The following RFX4 variants were observed in gnomAD, a reference collection of about 807,000 sequenced individuals.
RFX4 encodes transcription factor RFX4.
A neutral mutation model predicts 95.0 loss-of-function variants in RFX4; 10 were observed. The ratio of observed to expected loss-of-function variants is 0.11; its 90% CI spans 0.06 to 0.18. RFX4 has a LOEUF of 0.18. Ranked by LOEUF, RFX4 falls within the 10% of genes least tolerant of loss-of-function variation. The pLI, the probability that RFX4 is intolerant of heterozygous loss-of-function variation, is 1.00. For synonymous variants in RFX4, 321 were observed against 340.7 expected (o/e 0.94, Z 0.64); for missense variants, 640 against 922.0 (o/e 0.69, Z 3.96).
rs983058005 is a variant in RFX4 at position 106,586,342 on chromosome 12, C to A, written c.43+2979C>A. Among the ~76,000 whole-genome samples the A allele has an allele frequency of 6.6e-6, 1 of 152,102 alleles. No individual in the cohort carries two copies. Among genetic ancestry groups the A allele is most frequent in the African/African-American group, 2.4e-5 (1 of 41,460 alleles). ...TCCCCACGCGGGCCACCGGCAGCTA[C>A]GTGTTTGTGGCCGCCGGGTCCAATC... On this transcript the variant is annotated intron_variant, in intron 1 of 17. Transcript: ENST00000392842. The surrounding 1 kb of genome is among the most constrained non-coding windows in gnomAD (Gnocchi z 5.6).
intron 3 of RFX4, among the ~76,000 whole-genome samples, chr12:106,651,446 G>T (rs1249285236): frequency 6.6e-6 from 1 of 152,092 alleles, no homozygotes; most frequent in Non-Finnish European, 1.5e-5. Context: ...CTCAACAGAT[G>T]CTAACTGTTG....
chr12:106,752,852 C>T (rs2043035608), intron 17 of RFX4, among the ~76,000 whole-genome samples: 1 of 152,124 alleles, frequency 6.6e-6, no homozygotes, highest in African/African-American at 2.4e-5. Flanking sequence ...CCGCTGGACA[C>T]TCTACCTGTC....
At chr12:106,635,593 G>A (rs1042063621) in intron 2 of RFX4, among the ~76,000 whole-genome samples, 2 of 152,174 alleles carry the variant, frequency 1.3e-5, no homozygotes, top group African/African-American at 2.4e-5. Flanking sequence ...GATTACAGGG[G>A]TGAGCTACCA....
chr12:106,634,554 G>A lies in RFX4; in HGVS notation c.131-4778G>A, dbSNP rs115444553. Among the ~76,000 whole-genome samples the A allele has an allele frequency of 6.7e-3, 1,020 of 152,218 alleles. 16 individuals carry two copies. The highest frequency in any genetic ancestry group is 0.023 in the African/African-American group (975 of 41,538). ...GAGATGACTGTCTTAAGACTTAAAC[G>A]GGATAATTAGATTGTTAAACATCAC... is the stretch of plus-strand genomic sequence containing the variant. On this transcript the variant is annotated intron_variant, in intron 2 of 17. Coordinates refer to ENST00000392842, the MANE Select transcript of RFX4 (RefSeq NM_213594.3).
At chr12:106,684,633 G>A (rs996403473) in intron 5 of RFX4, 79 of 1,322,672 alleles carry the variant, frequency 6.0e-5, no homozygotes, top group Middle Eastern at 2.3e-4. Flanking sequence ...TTAAGGTTAC[G>A]GTGGTGTGTC....
intron 3 of RFX4, among the ~76,000 whole-genome samples, chr12:106,643,140 G>T (rs1374926354): frequency 6.6e-6 from 1 of 152,206 alleles, no homozygotes; most frequent in Non-Finnish European, 1.5e-5. Context: ...CCCCCAGGGT[G>T]GGGGTGTAAC....
Position 106,736,719 on chromosome 12 carries a change from G to A in RFX4, c.1633+3634G>A, listed in dbSNP as rs144611957. On this transcript the variant is annotated intron_variant, in intron 15 of 17. Coordinates refer to ENST00000392842, the MANE Select transcript of RFX4 (RefSeq NM_213594.3). ...GGGCATTCTCCATCACACTTCCCAA[G>A]TCCAGTTGTTCTAATACTAATCTAG... Among the ~76,000 whole-genome samples, 784 of 152,262 alleles carry A rather than the reference G, an allele frequency of 5.1e-3. 7 individuals carry two copies. The highest frequency in any genetic ancestry group is 0.018 in the African/African-American group (741 of 41,548).
chr12:106,747,382 G>C (rs2042915319), intron 15 of RFX4, 55 bp from the exon 16 acceptor site: 1 of 1,584,136 alleles, frequency 6.3e-7, no homozygotes, highest in Non-Finnish European at 8.6e-7. Flanking sequence ...AAGTAAGGAA[G>C]AACAAGGGAT....
intron 4 of RFX4, among the ~76,000 whole-genome samples, chr12:106,654,697 C>A (rs1350917315): frequency 2.0e-5 from 3 of 152,142 alleles, no homozygotes; most frequent in African/African-American, 7.2e-5. Flanking sequence ...ATGTGGATGC[C>A]TGGAGAAACT....
intron 2 of RFX4, among the ~76,000 whole-genome samples, chr12:106,618,057 G>A (rs2040108817): frequency 6.6e-6 from 1 of 152,136 alleles, no homozygotes. Flanking sequence ...CCAACATATA[G>A]TCTATTTTGG....
intron 2 of RFX4, among the ~76,000 whole-genome samples, chr12:106,625,062 G>T (rs1232155826): frequency 1.3e-5 from 2 of 152,122 alleles, no homozygotes. Context: ...CAGTTTGTTA[G>T]CCTAGAATAA....
chr12:106,687,486 T>C (rs568201669), intron 6 of RFX4, among the ~76,000 whole-genome samples: 150 of 150,940 alleles, frequency 9.9e-4, no homozygotes, highest in African/African-American at 3.5e-3. Context: ...GAGGCAGAGG[T>C]TGCAGTGAGC....
intron 15 of RFX4, among the ~76,000 whole-genome samples, chr12:106,746,568 T>C (rs1036535731): frequency 6.6e-6 from 1 of 151,932 alleles, no homozygotes; most frequent in African/African-American, 2.4e-5. Context: ...TCATAAAATA[T>C]TAAGCATTTA....
At chr12:106,714,379 T>G (rs1009118513) in intron 10 of RFX4, among the ~76,000 whole-genome samples, 3 of 152,174 alleles carry the variant, frequency 2.0e-5, no homozygotes, top group Non-Finnish European at 2.9e-5. Context: ...GAGATTCACC[T>G]AACTCATATA....
At chr12:106,732,108 G>A in intron 13 of RFX4, 22 bp from the exon 14 acceptor site, 1 of 1,611,374 alleles carries the variant, frequency 6.2e-7, no homozygotes, top group Non-Finnish European at 8.5e-7. Context: ...CTTACTTTCT[G>A]TTTGATCCTT....
intron 1 of RFX4, among the ~76,000 whole-genome samples, chr12:106,588,179 A>AT (rs1385781248): frequency 6.6e-6 from 1 of 152,172 alleles, no homozygotes; most frequent in African/African-American, 2.4e-5. Flanking sequence ...ATGATATATT[A>AT]TTTTTTGCAA....
intron 8 of RFX4, among the ~76,000 whole-genome samples, chr12:106,705,576 G>A (rs536712873): frequency 6.6e-6 from 1 of 152,316 alleles, no homozygotes; most frequent in South Asian, 2.1e-4. Flanking sequence ...CAGGTGATCA[G>A]GAGGTGAGCT....
At chr12:106,739,610 G>GT (rs774618764) in intron 15 of RFX4, among the ~76,000 whole-genome samples, 1 of 152,122 alleles carries the variant, frequency 6.6e-6, no homozygotes, top group Middle Eastern at 3.4e-3. Flanking sequence ...CTTATTAATT[G>GT]TTTTTTTAAA....
chr12:106,620,954 A>G (rs1227816230), intron 2 of RFX4, among the ~76,000 whole-genome samples: 1 of 152,168 alleles, frequency 6.6e-6, no homozygotes, highest in African/African-American at 2.4e-5. Context: ...GCAAGAAGAA[A>G]AATATGGCTC....
Sources: allele counts gnomAD v4.1 joint callset (sites outside exome capture counted in the v4.1 genomes callset), GRCh38; gene constraint gnomAD v4.1.1; non-coding constraint Gnocchi (gnomAD v3.1); transcripts MANE v1.5; gene names NCBI Gene and HGNC (gene_info 2026-07-23, HGNC 2026-07-21).